Variants in SOX6 observed in about 807,000 individuals in gnomAD.
SOX6 encodes transcription factor SOX-6.
SOX6 carries 11 observed loss-of-function variants against 97.8 expected under a neutral mutation model. That is an observed-to-expected ratio of 0.11 (90% CI 0.07 to 0.19). The LOEUF (loss-of-function observed/expected upper bound fraction) is 0.19, where lower values mean the gene tolerates loss of function less well. Among genes scored for constraint, SOX6 ranks in the 10% least tolerant of loss-of-function variants. SOX6 has a pLI of 1.00. For missense variants in SOX6, 810 were observed against 1,039.5 expected, an observed-to-expected ratio of 0.78 and a Z score of 3.04; for synonymous variants, 360 against 371.4, an observed-to-expected ratio of 0.97 and a Z score of 0.35.
At chr11:16,201,835 G>A (rs1362147207) in intron 4 of SOX6, among the ~76,000 whole-genome samples, 2 of 135,914 alleles carry the variant, frequency 1.5e-5, no homozygotes, top group Admixed American at 8.1e-5. Flanking sequence ...GGGTTTCACC[G>A]TTTTAGCCGG....
chr11:16,318,834 C>T (rs181297145), intron 2 of SOX6, among the ~76,000 whole-genome samples, 181 bp from the exon 3 acceptor site: 85 of 152,182 alleles, frequency 5.6e-4, no homozygotes, highest in Admixed American at 1.6e-3. Context: ...GATTGAACAA[C>T]ACCGATTAAA....
At chr11:16,278,657 A>G (rs1221026812) in intron 3 of SOX6, among the ~76,000 whole-genome samples, 1 of 152,108 alleles carries the variant, frequency 6.6e-6, no homozygotes, top group Non-Finnish European at 1.5e-5. Context: ...AAAGAAAGAA[A>G]TTAGATAGTG....
chr11:16,124,516 C>T (rs1456487655), intron 6 of SOX6, among the ~76,000 whole-genome samples: 1 of 151,974 alleles, frequency 6.6e-6, no homozygotes, highest in Admixed American at 6.6e-5. Flanking sequence ...CCAAGGAAAG[C>T]GTCTCTGAAG....
chr11:16,145,373 G>A (rs1850263870), intron 6 of SOX6, among the ~76,000 whole-genome samples: 1 of 152,086 alleles, frequency 6.6e-6, no homozygotes, highest in African/African-American at 2.4e-5. Context: ...AGCTATTTAT[G>A]ACAAACCCAC....
intron 9 of SOX6, among the ~76,000 whole-genome samples, chr11:16,057,418 A>C (rs147206518): frequency 6.6e-6 from 1 of 152,128 alleles, no homozygotes; most frequent in Non-Finnish European, 1.5e-5. Context: ...ACTATCACTA[A>C]TTCTCAAACT....
At chr11:16,004,391 A>G (rs1854491859) in intron 13 of SOX6, among the ~76,000 whole-genome samples, 1 of 151,578 alleles carries the variant, frequency 6.6e-6, no homozygotes, top group Non-Finnish European at 1.5e-5. Context: ...AGCTTTTAAA[A>G]CTCCTAACAT....
intron 1 of SOX6, among the ~76,000 whole-genome samples, chr11:16,353,152 T>A (rs1322879141): frequency 6.6e-6 from 1 of 152,050 alleles, no homozygotes. Flanking sequence ...ATCCAATTTC[T>A]ACCTTCCATC....
intron 3 of SOX6, among the ~76,000 whole-genome samples, chr11:16,291,905 G>C (rs1854929499): frequency 6.6e-6 from 1 of 152,014 alleles, no homozygotes; most frequent in South Asian, 2.1e-4. Flanking sequence ...ACTTAATATT[G>C]GGGATGTTTC....
At chr11:16,663,083 G>A (rs968874113) in intron 3 of SOX6, among the ~76,000 whole-genome samples, 3 of 151,380 alleles carry the variant, frequency 2.0e-5, no homozygotes, top group African/African-American at 7.3e-5. Context: ...AAAATAGAAG[G>A]AAATCTCCTC....
intron 3 of SOX6, among the ~76,000 whole-genome samples, chr11:16,303,903 T>A (rs916621204): frequency 2.0e-4 from 30 of 152,104 alleles, no homozygotes; most frequent in African/African-American, 7.0e-4. Flanking sequence ...TGTGGGGGGT[T>A]TCTTTGTTTG....
At chr11:16,058,907 T>A (rs540289365) in intron 9 of SOX6, among the ~76,000 whole-genome samples, 1 of 152,172 alleles carries the variant, frequency 6.6e-6, no homozygotes, top group Non-Finnish European at 1.5e-5. Context: ...TGCATGACAT[T>A]AGGGAGGGAT....
rs555444358 is a variant in SOX6 at position 16,300,689 on chromosome 11, A to G, written c.445+17757T>C. Reference sequence around the variant, plus strand: ...AGCAAGTGGGGCTAACGAAAACTGAAGTTCATCACCAGAGAAACCTGCGGC... The same window carrying G: ...AGCAAGTGGGGCTAACGAAAACTGAGGTTCATCACCAGAGAAACCTGCGGC... On this transcript the variant is annotated intron_variant, in intron 3 of 15. Transcript: ENST00000683767. This position sits in a 1 kb window ranked among gnomAD's most constrained non-coding sequence, Gnocchi z 4.1. 6.6e-6 allele frequency among the ~76,000 whole-genome samples: 1 copy of G among 152,340 alleles called. No individual in the cohort carries two copies. Among genetic ancestry groups the G allele is most frequent in the Admixed American group, 6.5e-5 (1 of 15,306 alleles).
At chr11:16,549,335 A>C (rs1012169002) in intron 4 of SOX6, among the ~76,000 whole-genome samples, 3 of 151,588 alleles carry the variant, frequency 2.0e-5, no homozygotes, top group Non-Finnish European at 2.9e-5. Context: ...ACGCCTGGCT[A>C]ATTTTGTATT....
intron 1 of SOX6, among the ~76,000 whole-genome samples, chr11:16,387,903 T>C (rs973288447): frequency 6.6e-6 from 1 of 152,056 alleles, no homozygotes; most frequent in Non-Finnish European, 1.5e-5. Flanking sequence ...ACAATCCTAC[T>C]TTTTACCTCT....
intron 9 of SOX6, among the ~76,000 whole-genome samples, chr11:16,075,300 C>A (rs533544410): frequency 6.6e-6 from 1 of 152,098 alleles, no homozygotes; most frequent in East Asian, 1.9e-4. Context: ...TCATGGTGGA[C>A]AGCAAAGGAG....
chr11:16,280,440 G>C (rs1466416802), intron 3 of SOX6, among the ~76,000 whole-genome samples: 5 of 150,718 alleles, frequency 3.3e-5, no homozygotes, highest in Non-Finnish European at 1.5e-5. Flanking sequence ...GTTTTCTCTT[G>C]AACACACATC....
intron 4 of SOX6, among the ~76,000 whole-genome samples, chr11:16,602,210 C>T (rs528385676): frequency 6.6e-6 from 1 of 152,074 alleles, no homozygotes; most frequent in East Asian, 1.9e-4. Flanking sequence ...AAACAATAAA[C>T]AAAAAGCTAT....
chr11:16,208,434 T>A (rs1316404510), intron 4 of SOX6, among the ~76,000 whole-genome samples: 1 of 152,268 alleles, frequency 6.6e-6, no homozygotes, highest in African/African-American at 2.4e-5. Context: ...GTGAAATTCC[T>A]GGCGCTTTCG....
chr11:16,455,878 G>A (rs865872802), intron 1 of SOX6, among the ~76,000 whole-genome samples: 1 of 151,788 alleles, frequency 6.6e-6, no homozygotes, highest in South Asian at 2.1e-4. Flanking sequence ...TCTTTATATA[G>A]TTTACCTGCA....
Sources: gnomAD v4.1 joint callset for allele counts (sites outside exome capture counted in the v4.1 genomes callset) on GRCh38, gnomAD v4.1.1 for gene constraint, Gnocchi (gnomAD v3.1) non-coding constraint, MANE v1.5 for transcripts, NCBI Gene and HGNC (gene_info 2026-07-23, HGNC 2026-07-21) for gene names.